MTHFD2L: variants seen among roughly 807,000 people sequenced by gnomAD.
MTHFD2L encodes the protein bifunctional methylenetetrahydrofolate dehydrogenase/cyclohydrolase 2, mitochondrial.
MTHFD2L carries 29 observed loss-of-function variants against 34.9 expected under a neutral mutation model. The ratio of observed to expected loss-of-function variants is 0.83; its 90% CI spans 0.62 to 1.13. The LOEUF is 1.13. MTHFD2L is among the 50% of genes most tolerant of loss of function. The pLI, the probability that MTHFD2L is intolerant of heterozygous loss-of-function variation, is 0.00. For missense variants in MTHFD2L, 481 were observed against 446.5 expected, an observed-to-expected ratio of 1.08 and a Z score of -0.70; for synonymous variants, 167 against 155.7, an observed-to-expected ratio of 1.07 and a Z score of -0.54.
At chr4:74,174,045 A>G (rs990578019) in intron 1 of MTHFD2L, among the ~76,000 whole-genome samples, 3 of 152,122 alleles carry the variant, frequency 2.0e-5, no homozygotes, top group Non-Finnish European at 4.4e-5. Context: ...CAGAAGGTTC[A>G]GTGTCTGGTG....
rs560948112 is a variant in MTHFD2L at position 74,164,109 on chromosome 4, T to C, written c.143+5828T>C. ...CCAGGATGCGTCTTGATCTCCTGAC[T>C]TCGTGATCCGCCCGCCTCAGCCTCC... On this transcript the variant is annotated intron_variant, in intron 1 of 7. Coordinates refer to ENST00000325278, the MANE Select transcript of MTHFD2L (RefSeq NM_001144978.3). Among the ~76,000 whole-genome samples the C allele has an allele frequency of 3.7e-4, 57 of 152,168 alleles. No individual in the cohort carries two copies. In the South Asian group the frequency reaches 3.9e-3, roughly 11 times the overall value.
chr4:74,202,926 T>A (rs1438191009), intron 5 of MTHFD2L, among the ~76,000 whole-genome samples: 2 of 152,138 alleles, frequency 1.3e-5, no homozygotes, highest in Non-Finnish European at 2.9e-5. Context: ...TTTCTTATTA[T>A]TAACCTTGTT....
At chr4:74,161,097 C>G (rs1725352494) in intron 1 of MTHFD2L, 1 of 152,080 alleles carries the variant, frequency 6.6e-6, no homozygotes, top group Non-Finnish European at 1.5e-5. Flanking sequence ...GCCTACAGGT[C>G]TTTATGGAAG....
At chr4:74,128,740 T>C (rs930009157) in intron 1 of MTHFD2L, among the ~76,000 whole-genome samples, 2 of 152,096 alleles carry the variant, frequency 1.3e-5, no homozygotes, top group African/African-American at 4.8e-5. Flanking sequence ...TGAGAATTTT[T>C]TTCTATTTAT....
At chr4:74,293,334 G>A (rs938498756) in intron 7 of MTHFD2L, among the ~76,000 whole-genome samples, 2 of 151,710 alleles carry the variant, frequency 1.3e-5, no homozygotes, top group Admixed American at 6.6e-5. Flanking sequence ...TGAGAATGAT[G>A]GTTTACATCT....
At chr4:74,252,287 T>G (rs1743423399) in intron 6 of MTHFD2L, among the ~76,000 whole-genome samples, 1 of 151,912 alleles carries the variant, frequency 6.6e-6, no homozygotes, top group African/African-American at 2.4e-5. Flanking sequence ...AGACTATTAT[T>G]GGAGCCTTGG....
intron 1 of MTHFD2L, among the ~76,000 whole-genome samples, chr4:74,152,512 A>G (rs1305528009): frequency 6.6e-6 from 1 of 152,108 alleles, no homozygotes; most frequent in South Asian, 2.1e-4. Context: ...GACAAGCACA[A>G]TACTTTTTTT....
chr4:74,242,535 A>G (rs1162752132), intron 6 of MTHFD2L, among the ~76,000 whole-genome samples: 1 of 152,184 alleles, frequency 6.6e-6, no homozygotes, highest in African/African-American at 2.4e-5. Context: ...AGATGCAAAA[A>G]GTTGAGGCTT....
chr4:74,268,377 A>G (rs1578666076), intron 6 of MTHFD2L: 1 of 474,276 alleles, frequency 2.1e-6, no homozygotes, highest in Non-Finnish European at 2.8e-6. Context: ...CACCTGAGTA[A>G]GCATTTCCAT....
At chr4:74,143,304 G>C in intron 1 of MTHFD2L, 1 of 532,496 alleles carries the variant, frequency 1.9e-6, no homozygotes, top group Non-Finnish European at 2.4e-6. Flanking sequence ...TTTGAGTGTA[G>C]AATGGAGTTT....
At chr4:74,257,317 C>T (rs1744146704) in intron 6 of MTHFD2L, among the ~76,000 whole-genome samples, 2 of 151,830 alleles carry the variant, frequency 1.3e-5, no homozygotes, top group African/African-American at 4.8e-5. Context: ...TGACTTAATC[C>T]AATCAAAAGA....
At chr4:74,165,063 G>A in intron 1 of MTHFD2L, 1 of 875,746 alleles carries the variant, frequency 1.1e-6, no homozygotes, top group Non-Finnish European at 1.4e-6. Context: ...GGCCAAACTA[G>A]CACATTTTTT....
chr4:74,268,301 A>G (rs1745560480), intron 6 of MTHFD2L: 3 of 938,318 alleles, frequency 3.2e-6, no homozygotes, highest in Admixed American at 1.2e-4. Flanking sequence ...ATACATTCAC[A>G]CAAATTCCAC....
At chr4:74,142,005 A>G (rs1723297919) in intron 1 of MTHFD2L, among the ~76,000 whole-genome samples, 1 of 152,210 alleles carries the variant, frequency 6.6e-6, no homozygotes. Context: ...GCTTGAGCCT[A>G]AGCTGGGCTC....
chr4:74,144,251 G>A (rs375891893), intron 1 of MTHFD2L, among the ~76,000 whole-genome samples: 72 of 152,050 alleles, frequency 4.7e-4, no homozygotes, highest in African/African-American at 1.6e-3. Flanking sequence ...TCAGGAGTTC[G>A]AGACCAGCCT....
chr4:74,136,502 C>T (rs1004457235), intron 1 of MTHFD2L, among the ~76,000 whole-genome samples: 2 of 152,164 alleles, frequency 1.3e-5, no homozygotes, highest in African/African-American at 2.4e-5. Flanking sequence ...GAAAAATATT[C>T]TCCGCTCATG....
intron 6 of MTHFD2L, among the ~76,000 whole-genome samples, chr4:74,246,551 C>T (rs1455904977): frequency 2.6e-5 from 4 of 152,152 alleles, no homozygotes; most frequent in Non-Finnish European, 5.9e-5. Context: ...GAAGTCCTTG[C>T]CCATGCCTAT....
intron 6 of MTHFD2L, chr4:74,267,294 C>A (rs1013459456): frequency 7.1e-6 from 6 of 842,276 alleles, no homozygotes; most frequent in Non-Finnish European, 6.9e-6. Flanking sequence ...CTATTCTTTT[C>A]TTTTCTTTTC....
intron 7 of MTHFD2L, among the ~76,000 whole-genome samples, chr4:74,282,147 T>C (rs575075519): frequency 1.4e-4 from 22 of 152,240 alleles, no homozygotes; most frequent in Non-Finnish European, 2.2e-4. Flanking sequence ...CCCAGTCTTC[T>C]CTTTACAATA....
Sources: allele counts gnomAD v4.1 joint callset (sites outside exome capture counted in the v4.1 genomes callset), GRCh38; gene constraint gnomAD v4.1.1; transcripts MANE v1.5; gene names NCBI Gene and HGNC (gene_info 2026-07-23, HGNC 2026-07-21).